Variants in TTC39C observed in about 807,000 individuals in gnomAD.
The protein encoded by TTC39C is tetratricopeptide repeat protein 39C.
In TTC39C, 33 loss-of-function variants were observed where a neutral mutation model predicts 76.3. The ratio of observed to expected loss-of-function variants is 0.43; its 90% CI spans 0.33 to 0.58. The LOEUF (loss-of-function observed/expected upper bound fraction) is 0.58. Among genes scored for constraint, TTC39C ranks in the 20% least tolerant of loss-of-function variants. The pLI, the probability that TTC39C is intolerant of heterozygous loss-of-function variation, is 0.04. For synonymous variants in TTC39C, 254 were observed against 260.6 expected, an observed-to-expected ratio of 0.97 and a Z score of 0.24; for missense variants, 595 against 701.4, an observed-to-expected ratio of 0.85 and a Z score of 1.71.
chr18:24,123,801 G>A, intron 8 of TTC39C, 33 bp from the exon 9 acceptor site: 1 of 1,511,104 alleles, frequency 6.6e-7, no homozygotes, highest in Non-Finnish European at 9.0e-7. Flanking sequence ...TCCCTGACTT[G>A]TACTTAAGAA....
Position 24,123,754 on chromosome 18 carries a change from T to C in TTC39C, c.1187-80T>C, listed in dbSNP as rs2085008749. ...ATATTTGCTCCTGCTTTTTTTTTTT[T>C]CAAGTATCATCACTTCAGGTATCCC... On this transcript the variant is annotated intron_variant, in intron 8 of 13. Coordinates refer to ENST00000317571, the MANE Select transcript of TTC39C (RefSeq NM_001135993.2). The C allele has an allele frequency of 5.9e-6, 6 of 1,018,074 alleles. No individual in the cohort carries two copies. The South Asian group carries it at 6.7e-5, about 11-fold the overall frequency. 63.1% of individuals were successfully genotyped at this position (1,018,074 alleles called of 1,614,324 possible). A position where few individuals can be genotyped will look rare whatever the true frequency, so the allele number is the denominator to read the frequency against.
chr18:24,012,654 C>T (rs2083402137), upstream of TTC39C, among the ~76,000 whole-genome samples: 1 of 152,138 alleles, frequency 6.6e-6, no homozygotes, highest in Admixed American at 6.5e-5. Context: ...GCTTCTCTCC[C>T]TTATTGACTA....
intron 6 of TTC39C, among the ~76,000 whole-genome samples, chr18:24,110,010 CAAAA>C (rs910571630): frequency 1.4e-4 from 21 of 151,572 alleles, no homozygotes; most frequent in African/African-American, 5.1e-4. Flanking sequence ...GACTCTGTCT[CAAAA>C]AAAACCACGA....
intron 4 of TTC39C, among the ~76,000 whole-genome samples, chr18:24,069,538 A>G (rs1160361971): frequency 4.6e-5 from 7 of 152,128 alleles, no homozygotes; most frequent in Non-Finnish European, 1.0e-4. Context: ...TCTTATATGT[A>G]TGTAGATGTA....
At chr18:24,097,176 C>T (rs1047880719) in intron 6 of TTC39C, among the ~76,000 whole-genome samples, 1 of 152,212 alleles carries the variant, frequency 6.6e-6, no homozygotes, top group African/African-American at 2.4e-5. Flanking sequence ...TTTCTTAAAA[C>T]AATCTCATAA....
chr18:24,069,661 A>C (rs1351576776), intron 4 of TTC39C, among the ~76,000 whole-genome samples: 1 of 152,176 alleles, frequency 6.6e-6, no homozygotes, highest in Non-Finnish European at 1.5e-5. Context: ...AGTGGCTTCA[A>C]TGGTTTCACG....
chr18:24,108,444 G>A (rs1048408474), intron 6 of TTC39C, among the ~76,000 whole-genome samples: 7 of 152,160 alleles, frequency 4.6e-5, no homozygotes, highest in Non-Finnish European at 8.8e-5. Context: ...CGCAACTCTA[G>A]ACATGGAAAC....
intron 1 of TTC39C, among the ~76,000 whole-genome samples, chr18:23,999,628 C>T (rs1316057166): frequency 2.6e-5 from 4 of 152,192 alleles, no homozygotes; most frequent in Admixed American, 2.6e-4. Context: ...GCCCGGGCTG[C>T]AAATGCCTAC....
At chr18:24,063,113 AC>A (rs1291437485) in intron 1 of TTC39C, among the ~76,000 whole-genome samples, 1 of 152,266 alleles carries the variant, frequency 6.6e-6, no homozygotes, top group African/African-American at 2.4e-5. Context: ...GAAGGTAATT[AC>A]AACTAGCTTT....
At chr18:24,049,452 C>T (rs2083922726) in intron 1 of TTC39C, among the ~76,000 whole-genome samples, 1 of 152,200 alleles carries the variant, frequency 6.6e-6, no homozygotes, top group Non-Finnish European at 1.5e-5. Flanking sequence ...GCTTCTCAGG[C>T]TGTTCCCTCA....
At chr18:24,115,176 T>C (rs1178431324) in intron 7 of TTC39C, 1 of 152,792 alleles carries the variant, frequency 6.5e-6, no homozygotes, top group Non-Finnish European at 1.5e-5. Flanking sequence ...AGGCCCTCCA[T>C]ACATGTTAGC....
rs1290177101 is a variant in TTC39C, at chr18:24,114,666, T to C, written c.1078+19T>C. The C allele has an allele frequency of 2.5e-6, 4 of 1,570,958 alleles. No individual in the cohort carries two copies. Among genetic ancestry groups the C allele is most frequent in the Non-Finnish European group, 8.8e-7 (1 of 1,141,586 alleles). ...GAAATTGGTAAATATGAAATGTCTG[T>C]CCAGCCTCTTGTTAAGAAGTAGTAT... On this transcript the variant is annotated intron_variant, in intron 7 of 13. Coordinates refer to ENST00000317571, the MANE Select transcript of TTC39C (RefSeq NM_001135993.2).
chr18:24,125,646 T>G lies in TTC39C; in HGVS notation c.1420+96T>G, dbSNP rs1356868585. The G allele has an allele frequency of 1.6e-5, 24 of 1,516,846 alleles. No individual in the cohort carries two copies. The Admixed American group carries it at 4.3e-4, about 27-fold the overall frequency. The allele number at this position is 1,516,846 out of a possible 1,614,324, so 94.0% of individuals were successfully genotyped here. On this transcript the variant is annotated intron_variant, in intron 10 of 13. Transcript: ENST00000317571. ...CAGTTTCCCGTTTATTTCATGTTTA[T>G]CTCATCGGAGTCAGGGAGAGTACAC...
Position 24,125,132 on chromosome 18 carries a change from TC to T in TTC39C, c.1297-294del, listed in dbSNP as rs2085032951. 3.3e-5 allele frequency among the ~76,000 whole-genome samples: 5 copies of T among 152,366 alleles called. No individual in the cohort carries two copies. The East Asian group carries it at 9.6e-4, about 29-fold the overall frequency. ...GTCTCAAACTCCTGACCTCAGGTGA[TC>T]TGCCTGCCTTGGCCTCCCAAAGTGC... On this transcript the variant is annotated intron_variant, in intron 9 of 13. Transcript: ENST00000317571.
At chr18:24,053,550 T>C (rs1192666916) in intron 1 of TTC39C, among the ~76,000 whole-genome samples, 1 of 152,358 alleles carries the variant, frequency 6.6e-6, no homozygotes, top group East Asian at 1.9e-4. Context: ...CATAATAGTT[T>C]CCCGTGTCTG....
chr18:24,124,436 G>T (rs1409692998), intron 9 of TTC39C, among the ~76,000 whole-genome samples: 2 of 152,150 alleles, frequency 1.3e-5, no homozygotes, highest in Non-Finnish European at 2.9e-5. Flanking sequence ...GCTGTCTGGG[G>T]TTGAGAATAG....
intron 6 of TTC39C, among the ~76,000 whole-genome samples, chr18:24,103,202 G>C (rs2084700921): frequency 6.6e-6 from 1 of 152,200 alleles, no homozygotes; most frequent in South Asian, 2.1e-4. Context: ...ATTCATTTGA[G>C]AATGTGGCGA....
Position 24,066,128 on chromosome 18 carries a change from A to C in TTC39C, c.333A>C (p.Lys111Asn), listed in dbSNP as rs1433200442. 6.3e-7 allele frequency: 1 copy of C among 1,596,898 alleles called. No homozygotes were observed. Among genetic ancestry groups the C allele is most frequent in the East Asian group, 2.3e-5 (1 of 44,258 alleles). The change falls in exon 3 of 14, where the codon AAA (lysine) becomes AAC (asparagine). Residue 111 changes from lysine (K) to asparagine (N), a missense_variant. Transcript: ENST00000317571. ...GAGTAATTGAAACAATCAAGAATAA[A>C]ATTAAGAAGAACGTAAGTATTGCGG... is the stretch of plus-strand genomic sequence containing the variant. ...EAGVIETIKN[K>N]IKKNVDVRKS...
chr18:24,063,391 A>C (rs920434405), intron 1 of TTC39C, among the ~76,000 whole-genome samples: 10 of 152,216 alleles, frequency 6.6e-5, no homozygotes, highest in African/African-American at 2.4e-4. Context: ...TCTGTGTTGA[A>C]CATTTGTAAC....
Sources: allele counts gnomAD v4.1 joint callset (sites outside exome capture counted in the v4.1 genomes callset), GRCh38; gene constraint gnomAD v4.1.1; transcripts MANE v1.5; gene names NCBI Gene and HGNC (gene_info 2026-07-23, HGNC 2026-07-21).